The following PELI2 variants were observed in gnomAD, a reference collection of about 807,000 sequenced individuals.
The protein encoded by PELI2 is E3 ubiquitin-protein ligase pellino homolog 2.
A neutral mutation model predicts 42.3 loss-of-function variants in PELI2; 23 were observed. That is an observed-to-expected ratio of 0.54 (90% CI 0.39 to 0.77). The LOEUF (loss-of-function observed/expected upper bound fraction) is 0.77. Ranked by LOEUF, PELI2 falls within the 30% of genes least tolerant of loss-of-function variation. The pLI is 0.00. For missense variants in PELI2, 463 were observed against 553.2 expected (o/e 0.84, Z 1.64); for synonymous variants, 245 against 212.2 (o/e 1.15, Z -1.34).
At chr14:56,260,066 C>T (rs1888659003) in intron 2 of PELI2, among the ~76,000 whole-genome samples, 1 of 152,098 alleles carries the variant, frequency 6.6e-6, no homozygotes, top group Non-Finnish European at 1.5e-5. Flanking sequence ...AATTGATATA[C>T]ATTCAGCACT....
At position 56,290,351 on chromosome 14, in the gene PELI2, G is replaced by C; in HGVS notation, c.591G>C (p.Gly197=). The C allele has an allele frequency of 6.2e-7, 1 of 1,613,554 alleles. No homozygotes were observed. Among genetic ancestry groups the C allele is most frequent in the Non-Finnish European group, 8.5e-7 (1 of 1,179,572 alleles). The stretch of plus-strand genomic sequence containing the variant: ...GCGTCCTGGTGATGCATCCACGAGG[G>C]GGCTTCACCGAGGAGTCCCAGCCCG... ...TNGVLVMHPR[G]GFTEESQPGV... is the part of the protein sequence containing the mutation. The change falls in exon 5 of 6, where the codon GGG becomes GGC. Residue 197 remains glycine, a synonymous_variant. Coordinates refer to ENST00000267460, the MANE Select transcript of PELI2 (RefSeq NM_021255.3).
intron 2 of PELI2, among the ~76,000 whole-genome samples, chr14:56,215,833 T>A (rs917454877): frequency 6.6e-6 from 1 of 152,202 alleles, no homozygotes; most frequent in South Asian, 2.1e-4. Flanking sequence ...TGCTGTGAGC[T>A]TTAGTCAGTA....
intron 5 of PELI2, among the ~76,000 whole-genome samples, chr14:56,291,686 C>T (rs1889836659): frequency 6.6e-6 from 1 of 152,190 alleles, no homozygotes; most frequent in African/African-American, 2.4e-5. Context: ...ATTATAACAG[C>T]AAGAGTAAGA....
rs1031419750 is a variant in PELI2, at chr14:56,300,277, C to T, written c.*3111C>T. The T allele has an allele frequency of 1.3e-5, 2 of 152,488 alleles. No homozygotes were observed. Among genetic ancestry groups the T allele is most frequent in the Admixed American group, 6.5e-5 (1 of 15,268 alleles). 9.4% of individuals were successfully genotyped at this position (152,488 alleles called of 1,614,324 possible). Reference sequence around the variant, plus strand: ...AAAGCCATTGGAAAAATGATGGGCTCCATTAAGGAGACTAATGAATCTGGA... The same window carrying T: ...AAAGCCATTGGAAAAATGATGGGCTTCATTAAGGAGACTAATGAATCTGGA... On this transcript the variant is annotated 3_prime_UTR_variant, in exon 6 of 6. Coordinates refer to ENST00000267460, the MANE Select transcript of PELI2 (RefSeq NM_021255.3).
At chr14:56,172,442 C>G (rs2139657782) in intron 1 of PELI2, among the ~76,000 whole-genome samples, 1 of 152,270 alleles carries the variant, frequency 6.6e-6, no homozygotes, top group African/African-American at 2.4e-5. Flanking sequence ...AGAGCCAGCC[C>G]AGATTTAGGG....
chr14:56,234,181 G>A (rs1887695126), intron 2 of PELI2, among the ~76,000 whole-genome samples: 1 of 152,174 alleles, frequency 6.6e-6, no homozygotes, highest in Admixed American at 6.5e-5. Flanking sequence ...ACCATTGTGG[G>A]AGACAGTGTG....
chr14:56,175,269 T>A (rs1188586427), intron 1 of PELI2, among the ~76,000 whole-genome samples: 2 of 152,214 alleles, frequency 1.3e-5, no homozygotes, highest in Non-Finnish European at 2.9e-5. Flanking sequence ...GTGCTGGAAT[T>A]ACAGGCATGA....
At position 56,119,921 on chromosome 14, in the gene PELI2, A is replaced by G. The variant is rs138967649; in HGVS notation, c.77+1184A>G. On this transcript the variant is annotated intron_variant, in intron 1 of 5. Coordinates refer to ENST00000267460, the MANE Select transcript of PELI2 (RefSeq NM_021255.3). ...GTGGGAAGACTCAGGGAACTTTGCA[A>G]AACGTGTTTTGATAAGTGAGTGCCT... 716 of 864,144 alleles carry G rather than the reference A, an allele frequency of 8.3e-4. 3 individuals are homozygous for G. In the African/African-American group the frequency reaches 0.011, roughly 14 times the overall value. The allele number at this position is 864,144 out of a possible 1,614,324, so 53.5% of individuals were successfully genotyped here.
chr14:56,300,963 T>A lies in PELI2; in HGVS notation c.*3797T>A, dbSNP rs947120268. 1 of 152,226 alleles carries A rather than the reference T, an allele frequency of 6.6e-6. No individual in the cohort carries two copies. Among genetic ancestry groups the A allele is most frequent in the Non-Finnish European group, 1.5e-5 (1 of 68,042 alleles). 9.4% of individuals were successfully genotyped at this position (152,226 alleles called of 1,614,324 possible). A position where few individuals can be genotyped will look rare whatever the true frequency, so the allele number is the denominator to read the frequency against. ...CCTTTCAAATAAGTCTTTGCCCTCA[T>A]GAAGAATCCCTAGAGGAAGATAAGG... On this transcript the variant is annotated 3_prime_UTR_variant, in exon 6 of 6. Transcript: ENST00000267460.
intron 1 of PELI2, among the ~76,000 whole-genome samples, chr14:56,163,244 G>T (rs902367070): frequency 2.0e-5 from 3 of 152,120 alleles, no homozygotes; most frequent in Non-Finnish European, 2.9e-5. Context: ...ATTTTGATTT[G>T]ATTTTTGTAT....
At chr14:56,174,049 G>A (rs1034348674) in intron 1 of PELI2, among the ~76,000 whole-genome samples, 3 of 152,118 alleles carry the variant, frequency 2.0e-5, no homozygotes, top group Non-Finnish European at 4.4e-5. Flanking sequence ...TTACAGGCAT[G>A]TGCTATCATG....
intron 5 of PELI2, 129 bp from the exon 6 acceptor site, chr14:56,296,471 G>GT (rs1594724366): frequency 1.6e-6 from 1 of 638,288 alleles, no homozygotes; most frequent in African/African-American, 1.8e-5. Context: ...CCCCAGTTCT[G>GT]TTTTTGTGGG....
chr14:56,143,873 G>A (rs965796759), intron 1 of PELI2, among the ~76,000 whole-genome samples: 2 of 152,088 alleles, frequency 1.3e-5, no homozygotes, highest in Non-Finnish European at 2.9e-5. Context: ...TTTTCACAGA[G>A]CCTCATTTCC....
chr14:56,199,445 A>G (rs979422890), intron 2 of PELI2, among the ~76,000 whole-genome samples: 1 of 152,256 alleles, frequency 6.6e-6, no homozygotes, highest in Non-Finnish European at 1.5e-5. Flanking sequence ...AACTAATCAC[A>G]GACGGTAGAT....
chr14:56,173,805 C>A (rs1017003250), intron 1 of PELI2, among the ~76,000 whole-genome samples: 1 of 152,206 alleles, frequency 6.6e-6, no homozygotes, highest in African/African-American at 2.4e-5. Context: ...GACCTATCGA[C>A]CTAACAGTAA....
At chr14:56,143,682 A>C (rs772081853) in intron 1 of PELI2, among the ~76,000 whole-genome samples, 13 of 152,254 alleles carry the variant, frequency 8.5e-5, no homozygotes, top group Non-Finnish European at 1.6e-4. Flanking sequence ...TAATTCAAAG[A>C]AGTAAATTGT....
chr14:56,274,191 A>T (rs959814059), intron 2 of PELI2, among the ~76,000 whole-genome samples: 5 of 94,950 alleles, frequency 5.3e-5, no homozygotes, highest in Admixed American at 3.0e-4. Context: ...CAGCTCAGCC[A>T]GCAGGGAAAA....
chr14:56,289,850 G>A (rs1010807835), intron 4 of PELI2, among the ~76,000 whole-genome samples: 1 of 152,180 alleles, frequency 6.6e-6, no homozygotes, highest in African/African-American at 2.4e-5. Flanking sequence ...CTTTATGACT[G>A]TCCTTTCTCT....
intron 2 of PELI2, among the ~76,000 whole-genome samples, chr14:56,241,718 A>G (rs1000417550): frequency 2.0e-5 from 3 of 152,166 alleles, no homozygotes; most frequent in Non-Finnish European, 4.4e-5. Context: ...GGGGAAAATG[A>G]GGTTTGATTT....
Sources: gnomAD v4.1 joint callset for allele counts (sites outside exome capture counted in the v4.1 genomes callset) on GRCh38, gnomAD v4.1.1 for gene constraint, MANE v1.5 for transcripts, NCBI Gene and HGNC (gene_info 2026-07-23, HGNC 2026-07-21) for gene names.